The following METRNL variants were observed in gnomAD, a reference collection of about 807,000 sequenced individuals.
The protein encoded by METRNL is meteorin like, glial cell differentiation regulator.
METRNL carries 9 observed loss-of-function variants against 17.4 expected under a neutral mutation model. The ratio of observed to expected loss-of-function variants is 0.52; its 90% CI spans 0.31 to 0.90. The LOEUF (loss-of-function observed/expected upper bound fraction) is 0.90. Among genes scored for constraint, METRNL ranks in the 40% least tolerant of loss-of-function variants. The pLI is 0.05. For synonymous variants in METRNL, 215 were observed against 199.3 expected (o/e 1.08, Z -0.66); for missense variants, 408 against 430.7 (o/e 0.95, Z 0.47).
At chr17:83,081,861 G>A (rs1350585197) in intron 1 of METRNL, among the ~76,000 whole-genome samples, 1 of 152,218 alleles carries the variant, frequency 6.6e-6, no homozygotes, top group Non-Finnish European at 1.5e-5. Flanking sequence ...ACGAATCAGT[G>A]ACAGAGACTC....
chr17:83,094,667 C>G lies in METRNL; in HGVS notation c.*92C>G, dbSNP rs2038182579. The G allele has an allele frequency of 9.2e-7, 1 of 1,082,434 alleles. No homozygotes were observed. The highest frequency in any genetic ancestry group is 1.2e-6 in the Non-Finnish European group (1 of 824,988). 67.1% of individuals were successfully genotyped at this position (1,082,434 alleles called of 1,614,324 possible). ...GGGGCCGTGCGGTGAGGGCCGCGCG[C>G]TGGGAGCCGCATGCCCTGGGCCCAG... On this transcript the variant is annotated 3_prime_UTR_variant, in exon 4 of 4. Coordinates refer to ENST00000320095, the MANE Select transcript of METRNL (RefSeq NM_001004431.3).
At chr17:83,085,473 C>T in intron 2 of METRNL, 150 bp downstream of exon 2, 2 of 1,124,622 alleles carry the variant, frequency 1.8e-6, no homozygotes, top group Non-Finnish European at 2.4e-6. Context: ...ACTGTTTTGC[C>T]TGAAGAGCCC....
At position 83,085,029 on chromosome 17, in the gene METRNL, G is replaced by C; in HGVS notation, c.262G>C (p.Ala88Pro). Residue 88 changes from alanine (A) to proline (P), a missense_variant, in exon 2 of 4, where the codon GCT (alanine) becomes CCT (proline). Transcript: ENST00000320095. The stretch of plus-strand genomic sequence containing the variant: ...CGTGGAGTGGATGTACCCAACAGGT[G>C]CTCTCATCGTTAACCTGCGGCCCAA... ...GAVEWMYPTG[A>P]LIVNLRPNTF... 1 of 1,613,884 alleles carries C rather than the reference G, an allele frequency of 6.2e-7. No individual in the cohort carries two copies. The highest frequency in any genetic ancestry group is 8.5e-7 in the Non-Finnish European group (1 of 1,180,018).
At chr17:83,082,919 C>T (rs185851036) in intron 1 of METRNL, among the ~76,000 whole-genome samples, 50 of 152,310 alleles carry the variant, frequency 3.3e-4, no homozygotes, top group Non-Finnish European at 4.3e-4. Context: ...GTTGGAGTCC[C>T]GTTGGTCTGG....
rs944099074 is a variant in METRNL, at chr17:83,094,781, G to A, written c.*206G>A. 2.5e-6 allele frequency: 1 copy of A among 402,212 alleles called. No homozygotes were observed. The highest frequency in any genetic ancestry group is 2.1e-5 in the African/African-American group (1 of 48,696). 24.9% of individuals were successfully genotyped at this position (402,212 alleles called of 1,614,324 possible). ...AAGGATGCCCTGGCCGATTGGAAAT[G>A]CTGTAAAATGCAAACTAAGTTATTA... On this transcript the variant is annotated 3_prime_UTR_variant, in exon 4 of 4. Coordinates refer to ENST00000320095, the MANE Select transcript of METRNL (RefSeq NM_001004431.3).
Position 83,094,279 on chromosome 17 carries a change from G to C in METRNL, c.640G>C (p.Val214Leu), listed in dbSNP as rs553067639. Residue 214 changes from valine to leucine, a missense_variant, in exon 4 of 4, where the codon GTT becomes CTT. Val to Leu is a conservative substitution (Grantham distance 32, BLOSUM62 1). Coordinates refer to ENST00000320095, the MANE Select transcript of METRNL (RefSeq NM_001004431.3). ...DFAVRGSIQQ[V>L]THEPERQDSA... The stretch of plus-strand genomic sequence containing the variant: ...AGCCGTTCGAGGCTCCATCCAGCAA[G>C]TTACCCACGAGCCTGAGCGGCAGGA... The C allele has an allele frequency of 2.1e-5, 33 of 1,581,872 alleles. No homozygotes were observed. The highest frequency in any genetic ancestry group is 2.8e-5 in the Non-Finnish European group (32 of 1,156,636).
chr17:83,086,407 G>C (rs1286406050), intron 2 of METRNL, among the ~76,000 whole-genome samples: 1 of 152,222 alleles, frequency 6.6e-6, no homozygotes, highest in Non-Finnish European at 1.5e-5. Flanking sequence ...TGTAAACTCA[G>C]CTGTGCTGTG....
At chr17:83,090,704 AGCCGAGGCCACCTCCACTCACATGAGGC>A (rs1449813555) in intron 2 of METRNL, among the ~76,000 whole-genome samples, 1 of 151,190 alleles carries the variant, frequency 6.6e-6, no homozygotes, top group Non-Finnish European at 1.5e-5. Flanking sequence ...GCTCTCTCTC[AGCCGAGGCCACCTCCACTCACATGAGGC>A]GCCCTGGGCT....
intron 2 of METRNL, among the ~76,000 whole-genome samples, chr17:83,085,793 G>C (rs944662909): frequency 1.3e-5 from 2 of 152,190 alleles, no homozygotes; most frequent in Non-Finnish European, 2.9e-5. Context: ...CCTTTGAAAC[G>C]GGTGCTTTTG....
chr17:83,089,206 C>T (rs538991133), intron 2 of METRNL, among the ~76,000 whole-genome samples: 57 of 152,290 alleles, frequency 3.7e-4, no homozygotes, highest in African/African-American at 1.3e-3. Context: ...CTCGAGCCCA[C>T]TGGAGCCCAC....
intron 2 of METRNL, among the ~76,000 whole-genome samples, chr17:83,086,829 T>C (rs2038058095): frequency 6.6e-6 from 1 of 152,120 alleles, no homozygotes; most frequent in Non-Finnish European, 1.5e-5. Context: ...CAGGGGAAAT[T>C]CAATGGTTCT....
intron 1 of METRNL, among the ~76,000 whole-genome samples, chr17:83,083,068 C>T (rs557430772): frequency 2.2e-4 from 33 of 152,300 alleles, no homozygotes; most frequent in African/African-American, 7.2e-4. Flanking sequence ...TTCATTTTGT[C>T]CTCTTCCTCT....
chr17:83,090,745 G>A (rs867875930), intron 2 of METRNL, among the ~76,000 whole-genome samples: 33 of 151,782 alleles, frequency 2.2e-4, no homozygotes, highest in Admixed American at 2.6e-4. Context: ...CCTGGGCTGG[G>A]ACCTCTGGCC....
At chr17:83,091,120 T>A (rs984125536) in intron 2 of METRNL, among the ~76,000 whole-genome samples, 28 of 152,014 alleles carry the variant, frequency 1.8e-4, no homozygotes, top group Non-Finnish European at 3.7e-4. Context: ...GAAGCTCCCA[T>A]TCTGGAGGGT....
chr17:83,085,016 G>A lies in METRNL; in HGVS notation c.249G>A (p.Met83Ile). ...LRCAAGAVEW[M>I]YPTGALIVNL... ...GTGCGGCGGGTGCCGTGGAGTGGAT[G>A]TACCCAACAGGTGCTCTCATCGTTA... Residue 83 changes from methionine (M) to isoleucine (I), a missense_variant, in exon 2 of 4, where the codon ATG becomes ATA. By Grantham distance (10) the Met-to-Ile change is conservative (BLOSUM62 1). Transcript: ENST00000320095. 6.2e-7 allele frequency: 1 copy of A among 1,613,798 alleles called. No homozygotes were observed. Among genetic ancestry groups the A allele is most frequent in the Non-Finnish European group, 8.5e-7 (1 of 1,180,008 alleles).
intron 1 of METRNL, among the ~76,000 whole-genome samples, chr17:83,081,190 G>C (rs1277518682): frequency 1.3e-5 from 2 of 151,942 alleles, no homozygotes; most frequent in African/African-American, 2.4e-5. Flanking sequence ...GTCTGGGGGG[G>C]GTCGGCCGGG....
At chr17:83,083,303 C>G (rs1261521071) in intron 1 of METRNL, among the ~76,000 whole-genome samples, 1 of 152,228 alleles carries the variant, frequency 6.6e-6, no homozygotes, top group South Asian at 2.1e-4. Context: ...TCAGGACTCC[C>G]CGAGAGGGAG....
intron 1 of METRNL, among the ~76,000 whole-genome samples, chr17:83,081,476 G>A (rs1163159708): frequency 6.6e-6 from 1 of 152,172 alleles, no homozygotes; most frequent in African/African-American, 2.4e-5. Flanking sequence ...AAGGGAGGGC[G>A]CGGTAGGCAG....
chr17:83,079,799 G>GGAGCCGGCGCCA lies in METRNL; in HGVS notation c.-12_-1dup, dbSNP rs2037959707. 4 of 975,276 alleles carry GGAGCCGGCGCCA rather than the reference G, an allele frequency of 4.1e-6. No individual in the cohort carries two copies. The highest frequency in any genetic ancestry group is 3.6e-6 in the Non-Finnish European group (3 of 824,704). The allele number at this position is 975,276 out of a possible 1,614,324, so 60.4% of individuals were successfully genotyped here. ...GGTCGCGGACGCGGGGCCGGGCGGC[G>GGAGCCGGCGCCA]GAGCCGGCGCCAGAGCATGCGGGGC... On this transcript the variant is annotated 5_prime_UTR_variant, in exon 1 of 4. Coordinates refer to ENST00000320095, the MANE Select transcript of METRNL (RefSeq NM_001004431.3).
Sources: gnomAD v4.1 joint callset for allele counts (sites outside exome capture counted in the v4.1 genomes callset) on GRCh38, gnomAD v4.1.1 for gene constraint, MANE v1.5 for transcripts, NCBI Gene and HGNC (gene_info 2026-07-23, HGNC 2026-07-21) for gene names.